Variants in RBM14 observed in about 807,000 individuals in gnomAD.
The protein encoded by RBM14 is RNA-binding protein 14.
Under a neutral mutation model 52.8 loss-of-function variants are expected in RBM14, and 5 were observed. That is an observed-to-expected ratio of 0.09 (90% CI 0.05 to 0.20). The LOEUF is 0.20. Ranked by LOEUF, RBM14 falls within the 10% of genes least tolerant of loss-of-function variation. The pLI, the probability that RBM14 is intolerant of heterozygous loss-of-function variation, is 1.00. For synonymous variants in RBM14, 411 were observed against 401.8 expected (o/e 1.02, Z -0.28); for missense variants, 780 against 926.6 (o/e 0.84, Z 2.05).
chr11:66,628,114 T>C lies in RBM14; in HGVS notation c.*1446T>C, dbSNP rs1464425920. On this transcript the variant is annotated 3_prime_UTR_variant, in exon 3 of 3. Coordinates refer to ENST00000310137, the MANE Select transcript of RBM14 (RefSeq NM_006328.4). ...GCTAACCAAATAGGGATGCTAGGGTTGGGTGGGGAATTGAGGACTCTTCTG... is the reference window on the plus strand; with the variant it reads ...GCTAACCAAATAGGGATGCTAGGGTCGGGTGGGGAATTGAGGACTCTTCTG... Among the ~76,000 whole-genome samples the C allele has an allele frequency of 6.6e-6, 1 of 151,922 alleles. No individual in the cohort carries two copies. Among genetic ancestry groups the C allele is most frequent in the Admixed American group, 6.6e-5 (1 of 15,264 alleles).
chr11:66,627,548 C>G lies in RBM14; in HGVS notation c.*880C>G, dbSNP rs1301988838. Among the ~76,000 whole-genome samples the G allele has an allele frequency of 6.6e-6, 1 of 152,200 alleles. No homozygotes were observed. Among genetic ancestry groups the G allele is most frequent in the Non-Finnish European group, 1.5e-5 (1 of 68,034 alleles). Reference sequence around the variant, plus strand: ...GCTAGCCTGCCATCTTTCAGACTTTCCAGGGCAGGTGGCCTGGTCCTCAGC... The same window carrying G: ...GCTAGCCTGCCATCTTTCAGACTTTGCAGGGCAGGTGGCCTGGTCCTCAGC... On this transcript the variant is annotated 3_prime_UTR_variant, in exon 3 of 3. Coordinates refer to ENST00000310137, the MANE Select transcript of RBM14 (RefSeq NM_006328.4).
intron 1 of RBM14, chr11:66,617,641 A>G: frequency 2.3e-6 from 2 of 887,074 alleles, no homozygotes; most frequent in Non-Finnish European, 2.7e-6. Context: ...CGTGGGTACG[A>G]GAGGGGCCCC....
rs1426140452 is a variant in RBM14, at chr11:66,627,994, A to G, written c.*1326A>G. Among the ~76,000 whole-genome samples, 2 of 150,690 alleles carry G rather than the reference A, an allele frequency of 1.3e-5. No individual in the cohort carries two copies. The highest frequency in any genetic ancestry group is 4.9e-5 in the African/African-American group (2 of 40,792). ...ACCCCTGCCATTATAGTCACCGGAG[A>G]CTCCTTTACCTATCCCTATCTGTTA... On this transcript the variant is annotated 3_prime_UTR_variant, in exon 3 of 3. Coordinates refer to ENST00000310137, the MANE Select transcript of RBM14 (RefSeq NM_006328.4).
chr11:66,617,256 G>A (rs1164009475), intron 1 of RBM14, 199 bp downstream of exon 1: 6 of 1,399,252 alleles, frequency 4.3e-6, no homozygotes, highest in Non-Finnish European at 5.6e-6. Flanking sequence ...CAAGTAGGAG[G>A]AAGCGGCTCT....
chr11:66,629,137 G>A lies in RBM14; in HGVS notation c.*2469G>A, dbSNP rs913471920. On this transcript the variant is annotated 3_prime_UTR_variant, in exon 3 of 3. Coordinates refer to ENST00000310137, the MANE Select transcript of RBM14 (RefSeq NM_006328.4). ...GCCACCTGTGTTAATCCTATAGCCT[G>A]CTTCTTTGCTTTGTGGATTACTGAT... Among the ~76,000 whole-genome samples, 2 of 152,164 alleles carry A rather than the reference G, an allele frequency of 1.3e-5. No individual in the cohort carries two copies. The highest frequency in any genetic ancestry group is 4.8e-5 in the African/African-American group (2 of 41,430).
chr11:66,624,523 C>A lies in RBM14; in HGVS notation c.647C>A (p.Pro216His). 6.2e-7 allele frequency: 1 copy of A among 1,613,684 alleles called. No individual in the cohort carries two copies. The highest frequency in any genetic ancestry group is 8.5e-7 in the Non-Finnish European group (1 of 1,179,968). ...TPPFFGRDRS[P>H]LRRSPPRASY... Reference sequence around the variant, plus strand: ...CCCTTCTTTGGTCGCGACCGCAGCCCTCTGCGCCGTTCACCTCCCCGAGCC... The same window carrying A: ...CCCTTCTTTGGTCGCGACCGCAGCCATCTGCGCCGTTCACCTCCCCGAGCC... The change falls in exon 2 of 3, where the codon CCT (proline) becomes CAT (histidine). Residue 216 changes from proline (P) to histidine (H), a missense_variant. Physicochemically the swap from Pro to His is moderately conservative, Grantham distance 77 (BLOSUM62 -2). This residue lies in a region of RBM14 where 675 missense variants were observed against 697.3 expected (regional missense o/e 0.97). Transcript: ENST00000310137. This position sits in a 1 kb window ranked among gnomAD's most constrained non-coding sequence, Gnocchi z 4.7.
chr11:66,621,281 C>T (rs1859097758), intron 1 of RBM14, among the ~76,000 whole-genome samples: 1 of 152,064 alleles, frequency 6.6e-6, no homozygotes, highest in South Asian at 2.1e-4. Flanking sequence ...ACTTTAGTGC[C>T]TTATGCCTAG....
At chr11:66,622,432 C>T (rs190958842) in intron 1 of RBM14, among the ~76,000 whole-genome samples, 2 of 152,242 alleles carry the variant, frequency 1.3e-5, no homozygotes, top group African/African-American at 4.8e-5. Context: ...CAGGGTTTCA[C>T]CATGTTGGTC....
In RBM14 at chr11:66,627,910, A is replaced by C. The variant is rs924432132; in HGVS notation, c.*1242A>C. Among the ~76,000 whole-genome samples, 1 of 152,142 alleles carries C rather than the reference A, an allele frequency of 6.6e-6. No individual in the cohort carries two copies. Among genetic ancestry groups the C allele is most frequent in the African/African-American group, 2.4e-5 (1 of 41,438 alleles). ...GAAGCAGGTATGGGGCATTCTGGCC[A>C]TAGAGCTCGTATTTTGCCTGTTGAG... On this transcript the variant is annotated 3_prime_UTR_variant, in exon 3 of 3. Coordinates refer to ENST00000310137, the MANE Select transcript of RBM14 (RefSeq NM_006328.4).
In RBM14 at chr11:66,626,331, A is replaced by C. The variant is rs1937803120; in HGVS notation, c.1803-130A>C. The C allele has an allele frequency of 4.3e-6, 4 of 939,872 alleles. No individual in the cohort carries two copies. In the East Asian group the frequency reaches 7.3e-5, roughly 17 times the overall value. The allele number at this position is 939,872 out of a possible 1,614,324, so 58.2% of individuals were successfully genotyped here. On this transcript the variant is annotated intron_variant, in intron 2 of 2. Transcript: ENST00000310137. The stretch of plus-strand genomic sequence containing the variant: ...TGGATAGGGTGATGAGCCTTCTGAC[A>C]AAAGGAGACCAATCTCTTGGAGACC...
chr11:66,623,087 T>C (rs906097921), intron 1 of RBM14, among the ~76,000 whole-genome samples: 1 of 152,226 alleles, frequency 6.6e-6, no homozygotes, highest in African/African-American at 2.4e-5. Flanking sequence ...CCACAGCTTA[T>C]TCAGGTCATA....
rs751367861 is a variant in RBM14 at position 66,624,750 on chromosome 11, C to T, written c.874C>T (p.Pro292Ser). The T allele has an allele frequency of 6.2e-7, 1 of 1,614,084 alleles. No individual in the cohort carries two copies. The highest frequency in any genetic ancestry group is 8.5e-7 in the Non-Finnish European group (1 of 1,179,986). Reference protein sequence around the residue: ...GAPYRGQLASPSSQSAAASSL... With the variant: ...GAPYRGQLASSSSQSAAASSL... The stretch of plus-strand genomic sequence containing the variant: ...ACCATACAGGGGCCAGCTGGCTAGT[C>T]CTAGCTCCCAGTCTGCTGCAGCTTC... Residue 292 changes from proline to serine, a missense_variant, in exon 2 of 3, where the codon CCT becomes TCT. Coordinates refer to ENST00000310137, the MANE Select transcript of RBM14 (RefSeq NM_006328.4). The surrounding 1 kb of genome is among the most constrained non-coding windows in gnomAD (Gnocchi z 4.7).
At position 66,626,492 on chromosome 11, in the gene RBM14, T is replaced by A. The variant is rs1194269813; in HGVS notation, c.1834T>A (p.Ser612Thr). The A allele has an allele frequency of 6.2e-7, 1 of 1,613,868 alleles. No homozygotes were observed. Among genetic ancestry groups the A allele is most frequent in the South Asian group, 1.1e-5 (1 of 91,086 alleles). ...TTCCGACCGGCGTTTAGCCGAGCTC[T>A]CTGATTACCGCCGTTTATCAGAGTC... is the stretch of plus-strand genomic sequence containing the variant. ...YGSDRRLAEL[S>T]DYRRLSESQL... is the part of the protein sequence containing the mutation. Residue 612 changes from serine (S) to threonine (T), a missense_variant, in exon 3 of 3, where the codon TCT becomes ACT. Ser to Thr is a moderately conservative substitution (Grantham distance 58, BLOSUM62 1). Around this residue, in one of 4 missense-constraint regions of RBM14, gnomAD observed 675 missense variants for 697.3 expected, o/e 0.97. Transcript: ENST00000310137.
At chr11:66,617,640 G>A (rs559637380) in intron 1 of RBM14, 28 of 890,264 alleles carry the variant, frequency 3.1e-5, no homozygotes, top group Non-Finnish European at 3.6e-5. Context: ...ACGTGGGTAC[G>A]AGAGGGGCCC....
In RBM14 at chr11:66,626,706, GAA is replaced by G. The variant is rs1378665111; in HGVS notation, c.*41_*42del. The stretch of plus-strand genomic sequence containing the variant: ...ATGGGGCACCACAGGGAGGGAGGGA[GAA>G]AAGAGGTGGGTAGGGTTACAGATCC... On this transcript the variant is annotated 3_prime_UTR_variant, in exon 3 of 3. Coordinates refer to ENST00000310137, the MANE Select transcript of RBM14 (RefSeq NM_006328.4). 9.8e-6 allele frequency: 15 copies of G among 1,531,758 alleles called. No homozygotes were observed. Among genetic ancestry groups the G allele is most frequent in the Non-Finnish European group, 1.2e-5 (14 of 1,129,818 alleles). The allele number at this position is 1,531,758 out of a possible 1,614,324, so 94.9% of individuals were successfully genotyped here. A position where few individuals can be genotyped will look rare whatever the true frequency, so the allele number is the denominator to read the frequency against.
chr11:66,620,258 G>T (rs888914095), intron 1 of RBM14, among the ~76,000 whole-genome samples: 1 of 151,848 alleles, frequency 6.6e-6, no homozygotes, highest in Non-Finnish European at 1.5e-5. Context: ...GGTTATAATT[G>T]TATCAGATGG....
intron 1 of RBM14, among the ~76,000 whole-genome samples, chr11:66,618,334 T>C (rs1423326227): frequency 6.6e-6 from 1 of 152,188 alleles, no homozygotes; most frequent in Non-Finnish European, 1.5e-5. Flanking sequence ...TGCAAGTGCT[T>C]ATTTATCCCA....
chr11:66,619,602 T>C, intron 1 of RBM14: 1 of 152,000 alleles, frequency 6.6e-6, no homozygotes, highest in Non-Finnish European at 1.5e-5. Context: ...AGTCTGGCTC[T>C]GTCGCCCAGG....
rs1437724300 is a variant in RBM14 at position 66,629,435 on chromosome 11, G to T, written c.*2767G>T. Among the ~76,000 whole-genome samples, 1 of 152,148 alleles carries T rather than the reference G, an allele frequency of 6.6e-6. No homozygotes were observed. The highest frequency in any genetic ancestry group is 1.5e-5 in the Non-Finnish European group (1 of 68,026). Reference sequence around the variant, plus strand: ...GTGGGCTTGAGACTCTCTTGTAATGGAGGTAATGGGACTATCACTGAGGGG... The same window carrying T: ...GTGGGCTTGAGACTCTCTTGTAATGTAGGTAATGGGACTATCACTGAGGGG... On this transcript the variant is annotated 3_prime_UTR_variant, in exon 3 of 3. Coordinates refer to ENST00000310137, the MANE Select transcript of RBM14 (RefSeq NM_006328.4).
Sources: gnomAD v4.1 joint callset for allele counts (sites outside exome capture counted in the v4.1 genomes callset) on GRCh38, gnomAD v4.1.1 for gene constraint, gnomAD v4.1.1 regional missense constraint, Gnocchi (gnomAD v3.1) non-coding constraint, MANE v1.5 for transcripts, NCBI Gene and HGNC (gene_info 2026-07-23, HGNC 2026-07-21) for gene names.